The following NASP variants were observed in gnomAD, a reference collection of about 807,000 sequenced individuals.
NASP encodes nuclear autoantigenic sperm protein.
In NASP, 24 loss-of-function variants were observed where a neutral mutation model predicts 89.5. That is an observed-to-expected ratio of 0.27 (90% CI 0.19 to 0.38). NASP has a LOEUF of 0.38. Among genes scored for constraint, NASP ranks in the 10% least tolerant of loss-of-function variants. The pLI is 1.00. For missense variants in NASP, 848 were observed against 921.4 expected (o/e 0.92, Z 1.03); for synonymous variants, 306 against 324.7 (o/e 0.94, Z 0.62).
rs2230657 is a variant in NASP at position 45,607,817 on chromosome 1, G to A, written c.906G>A (p.Pro302=). 793,061 of 1,613,684 alleles carry A rather than the reference G, an allele frequency of 0.49. 197,161 individuals are homozygous for A. The highest frequency in any genetic ancestry group is 0.67 in the African/African-American group (50,471 of 74,928). Residue 302 remains proline (P), a synonymous_variant, in exon 6 of 15, where the codon CCG becomes CCA. Transcript: ENST00000350030. The part of the protein sequence containing the change: ...AVEVEAESLD[P]TVKPVDVGGD... ...AGGTAGAAGCAGAGTCTTTAGACCC[G>A]ACAGTCAAGCCAGTGGATGTGGGTG... is the stretch of plus-strand genomic sequence containing the variant.
At chr1:45,609,283 A>G (rs1014587796) in intron 6 of NASP, 1 of 152,230 alleles carries the variant, frequency 6.6e-6, no homozygotes, top group Admixed American at 6.5e-5. Flanking sequence ...AGACTACTTC[A>G]AGAGTTCTCG....
At chr1:45,615,555 C>A in intron 11 of NASP, 84 bp downstream of exon 11, 2 of 1,374,826 alleles carry the variant, frequency 1.5e-6, no homozygotes, top group Non-Finnish European at 2.0e-6. Flanking sequence ...TTCATCATGA[C>A]TTGGTTTCCA....
intron 2 of NASP, among the ~76,000 whole-genome samples, chr1:45,592,556 C>T (rs1312527332): frequency 6.6e-6 from 1 of 152,134 alleles, no homozygotes; most frequent in Non-Finnish European, 1.5e-5. Flanking sequence ...ACTCTGTCAC[C>T]CAGGCTGGAG....
rs533905916 is a variant in NASP, at chr1:45,584,074, C to T, written c.-73C>T. 6.3e-6 allele frequency: 9 copies of T among 1,417,876 alleles called. No individual in the cohort carries two copies. The highest frequency in any genetic ancestry group is 4.3e-5 in the African/African-American group (3 of 70,466). 87.8% of individuals were successfully genotyped at this position (1,417,876 alleles called of 1,614,324 possible). On this transcript the variant is annotated 5_prime_UTR_variant, in exon 1 of 15. Coordinates refer to ENST00000350030, the MANE Select transcript of NASP (RefSeq NM_002482.4). ...TGCCATTTTCTGTCCCTGAGTGAGT[C>T]TCTGGCGTCCCAAATTGCCTGTTTT...
chr1:45,586,496 C>T (rs2148324111), intron 1 of NASP, among the ~76,000 whole-genome samples: 1 of 152,286 alleles, frequency 6.6e-6, no homozygotes, highest in South Asian at 2.1e-4. Context: ...CCATGTTGCC[C>T]AGGCTGGTCT....
chr1:45,586,274 GTGTGTGTGTGGTGT>G (rs1359885247), intron 1 of NASP, among the ~76,000 whole-genome samples: 32 of 60,094 alleles, frequency 5.3e-4, no homozygotes, highest in African/African-American at 1.8e-3. Context: ...GTGTGTGTGT[GTGTGTGTGTGGTGT>G]GTGTGTGTGT....
rs2148373671 is a variant in NASP, at chr1:45,615,356, A to G, written c.1907A>G (p.Lys636Arg). ...GCTGAAGGATCGTCTGCTGAATACA[A>G]GAAAGAAATTGAGGAACTAAAGGAA... ...KEAEGSSAEY[K>R]KEIEELKELL... is the part of the protein sequence containing the mutation. Residue 636 changes from lysine (K) to arginine (R), a missense_variant, in exon 11 of 15, where the codon AAG becomes AGG. Lys to Arg is a conservative substitution (Grantham distance 26). This residue lies in a region of NASP where 218 missense variants were observed against 219.6 expected (regional missense o/e 0.99). Coordinates refer to ENST00000350030, the MANE Select transcript of NASP (RefSeq NM_002482.4). 3 of 1,614,248 alleles carry G rather than the reference A, an allele frequency of 1.9e-6. No individual in the cohort carries two copies. The highest frequency in any genetic ancestry group is 2.5e-6 in the Non-Finnish European group (3 of 1,180,034).
At chr1:45,591,888 A>G (rs879470276) in intron 2 of NASP, among the ~76,000 whole-genome samples, 2 of 152,170 alleles carry the variant, frequency 1.3e-5, no homozygotes, top group Non-Finnish European at 2.9e-5. Flanking sequence ...TGATGTTATC[A>G]TAGCTCACCA....
intron 1 of NASP, among the ~76,000 whole-genome samples, chr1:45,587,806 C>G (rs917919556): frequency 6.6e-6 from 1 of 150,966 alleles, no homozygotes; most frequent in Non-Finnish European, 1.5e-5. Flanking sequence ...CATCAGCCTC[C>G]CAAGTAGCTG....
chr1:45,598,160 T>TTACTC (rs1303832684), intron 2 of NASP, among the ~76,000 whole-genome samples: 20 of 143,502 alleles, frequency 1.4e-4, no homozygotes, highest in African/African-American at 5.2e-4. Flanking sequence ...ACCCAATCCA[T>TTACTC]TACTCCTGTT....
chr1:45,602,866 C>T (rs1014751641), intron 3 of NASP, among the ~76,000 whole-genome samples: 3 of 152,174 alleles, frequency 2.0e-5, no homozygotes, highest in Non-Finnish European at 4.4e-5. Context: ...TTAAGCGATT[C>T]GTCCACCTTG....
At chr1:45,589,698 G>A (rs1407925122) in intron 1 of NASP, among the ~76,000 whole-genome samples, 1 of 152,074 alleles carries the variant, frequency 6.6e-6, no homozygotes, top group African/African-American at 2.4e-5. Flanking sequence ...TCAGGAGCTC[G>A]AGACCAGACT....
chr1:45,594,649 G>A, intron 2 of NASP: 1 of 446,340 alleles, frequency 2.2e-6, no homozygotes, highest in Non-Finnish European at 4.5e-6. Flanking sequence ...TAGGATCACA[G>A]ATGTGTGCCA....
intron 2 of NASP, among the ~76,000 whole-genome samples, chr1:45,595,153 G>A (rs924630930): frequency 1.2e-4 from 17 of 141,976 alleles, no homozygotes; most frequent in African/African-American, 4.4e-4. Context: ...GTGTGTGTGT[G>A]TGTGTGTGTG....
chr1:45,588,010 C>G (rs994766091), intron 1 of NASP, among the ~76,000 whole-genome samples: 1 of 151,680 alleles, frequency 6.6e-6, no homozygotes, highest in African/African-American at 2.4e-5. Context: ...GAAGCCAACA[C>G]GGGCATATCA....
intron 2 of NASP, among the ~76,000 whole-genome samples, chr1:45,596,905 C>G (rs1262580108): frequency 6.6e-6 from 1 of 152,086 alleles, no homozygotes; most frequent in East Asian, 1.9e-4. Context: ...ATCGCTTGAA[C>G]CTGGGAGGCA....
intron 2 of NASP, among the ~76,000 whole-genome samples, chr1:45,593,209 G>C (rs1328392499): frequency 9.9e-5 from 15 of 151,976 alleles, no homozygotes; most frequent in Admixed American, 9.8e-4. Context: ...CAATTTTTAT[G>C]AAATAGGCGA....
chr1:45,601,745 ATTTTTTTTTTTT>A (rs71056316), intron 2 of NASP, among the ~76,000 whole-genome samples: 5 of 68,936 alleles, frequency 7.3e-5, no homozygotes, highest in South Asian at 7.8e-4. Context: ...CGTTAAGAGA[ATTTTTTTTTTTT>A]TTTTTTTTTT....
chr1:45,588,705 G>C, intron 1 of NASP: 1 of 415,988 alleles, frequency 2.4e-6, no homozygotes. Context: ...TTGGGAGGCC[G>C]AGGTGGGCAG....
Sources: gnomAD v4.1 joint callset for allele counts (sites outside exome capture counted in the v4.1 genomes callset) on GRCh38, gnomAD v4.1.1 for gene constraint, gnomAD v4.1.1 regional missense constraint, MANE v1.5 for transcripts, NCBI Gene and HGNC (gene_info 2026-07-23, HGNC 2026-07-21) for gene names.